The following DLGAP1 variants were observed in gnomAD, a reference collection of about 807,000 sequenced individuals.
The protein encoded by DLGAP1 is DLG associated protein 1.
In DLGAP1, 11 loss-of-function variants were observed where a neutral mutation model predicts 90.8. The observed-to-expected ratio is 0.12, with a 90% confidence interval of 0.08 to 0.20. The LOEUF (loss-of-function observed/expected upper bound fraction) is 0.20. Ranked by LOEUF, DLGAP1 falls within the 10% of genes least tolerant of loss-of-function variation. The pLI is 1.00. For synonymous variants in DLGAP1, 558 were observed against 540.7 expected, an observed-to-expected ratio of 1.03 and a Z score of -0.44; for missense variants, 1,050 against 1,333.8, an observed-to-expected ratio of 0.79 and a Z score of 3.31.
intron 9 of DLGAP1, among the ~76,000 whole-genome samples, chr18:3,562,773 G>A (rs1004159303): frequency 1.0e-4 from 15 of 150,728 alleles, no homozygotes; most frequent in African/African-American, 3.7e-4. Flanking sequence ...TTACAGGAAT[G>A]AGCCACTGTG....
intron 1 of DLGAP1, among the ~76,000 whole-genome samples, chr18:4,358,776 C>T (rs1041147405): frequency 6.6e-6 from 1 of 152,218 alleles, no homozygotes; most frequent in Non-Finnish European, 1.5e-5. Context: ...GTGGCCACAG[C>T]TTACCTCTGT....
At chr18:4,102,328 A>C (rs2075793297) in intron 2 of DLGAP1, among the ~76,000 whole-genome samples, 1 of 152,170 alleles carries the variant, frequency 6.6e-6, no homozygotes, top group Non-Finnish European at 1.5e-5. Context: ...TGGAATTCAT[A>C]CTCAGGATTC....
Position 3,526,875 on chromosome 18 carries a change from G to A in DLGAP1, c.2479+7319C>T, listed in dbSNP as rs146771288. On this transcript the variant is annotated intron_variant, in intron 10 of 12. Transcript: ENST00000315677. This position sits in a 1 kb window ranked among gnomAD's most constrained non-coding sequence, Gnocchi z 4.7. ...ACACAAGGGCTTCATTGTCTGAGAA[G>A]AGCTCGTATCATTTTACTTCAAGTG... is the stretch of plus-strand genomic sequence containing the variant. 2.3e-3 allele frequency among the ~76,000 whole-genome samples: 355 copies of A among 152,228 alleles called. 1 individual carries two copies. Among genetic ancestry groups the A allele is most frequent in the African/African-American group, 7.8e-3 (324 of 41,550 alleles).
chr18:3,925,218 G>A (rs948447745), intron 3 of DLGAP1, among the ~76,000 whole-genome samples: 2 of 151,958 alleles, frequency 1.3e-5, no homozygotes, highest in African/African-American at 4.8e-5. Context: ...CTCCCAAAGT[G>A]CTGGGATTAT....
At chr18:3,822,852 T>C (rs1219947904) in intron 4 of DLGAP1, among the ~76,000 whole-genome samples, 1 of 151,988 alleles carries the variant, frequency 6.6e-6, no homozygotes, top group African/African-American at 2.4e-5. Flanking sequence ...CATCAAGAAA[T>C]AATAACTAAG....
intron 2 of DLGAP1, among the ~76,000 whole-genome samples, chr18:4,080,338 A>G (rs964897844): frequency 6.6e-6 from 1 of 152,198 alleles, no homozygotes; most frequent in Admixed American, 6.5e-5. Context: ...ATAAAGTTAA[A>G]TATAAATTAA....
chr18:3,641,378 A>G (rs2058932347), intron 7 of DLGAP1, among the ~76,000 whole-genome samples: 1 of 151,560 alleles, frequency 6.6e-6, no homozygotes. Flanking sequence ...CTCTACTAAA[A>G]ATACAAAAAT....
At chr18:4,160,532 T>C (rs1306175980) in intron 1 of DLGAP1, among the ~76,000 whole-genome samples, 1 of 152,220 alleles carries the variant, frequency 6.6e-6, no homozygotes, top group Admixed American at 6.5e-5. Flanking sequence ...ACAATAAGCC[T>C]AATGAGGTAG....
intron 9 of DLGAP1, among the ~76,000 whole-genome samples, chr18:3,547,059 T>A (rs1352242504): frequency 2.0e-5 from 3 of 151,914 alleles, no homozygotes; most frequent in African/African-American, 7.3e-5. Context: ...CCCAGCACTT[T>A]GAGAGGCCGT....
intron 7 of DLGAP1, among the ~76,000 whole-genome samples, chr18:3,635,335 AC>A (rs1382806203): frequency 3.6e-4 from 53 of 148,104 alleles, no homozygotes; most frequent in Non-Finnish European, 6.6e-4. Flanking sequence ...ACGGGGTTTC[AC>A]CTTGTTAGCC....
At chr18:3,749,848 C>T (rs1318204127) in intron 5 of DLGAP1, among the ~76,000 whole-genome samples, 1 of 152,194 alleles carries the variant, frequency 6.6e-6, no homozygotes, top group Non-Finnish European at 1.5e-5. Flanking sequence ...GTCAACCAAA[C>T]TAGAAATCCA....
At chr18:3,812,272 T>C (rs975846604) in intron 5 of DLGAP1, among the ~76,000 whole-genome samples, 1 of 152,206 alleles carries the variant, frequency 6.6e-6, no homozygotes, top group Non-Finnish European at 1.5e-5. Context: ...CTTGGTCCAC[T>C]GCCTTTCTTA....
intron 1 of DLGAP1, among the ~76,000 whole-genome samples, chr18:4,226,799 A>G (rs1025040089): frequency 6.6e-5 from 10 of 152,006 alleles, no homozygotes; most frequent in African/African-American, 2.4e-4. Context: ...AAGAAGGAAA[A>G]GAAGACCACA....
intron 5 of DLGAP1, among the ~76,000 whole-genome samples, chr18:3,805,304 A>G (rs556060679): frequency 6.6e-6 from 1 of 152,342 alleles, no homozygotes; most frequent in South Asian, 2.1e-4. Context: ...AAGATCTCAA[A>G]GGAGAATGGT....
At chr18:3,890,587 G>A (rs1193659184) in intron 3 of DLGAP1, among the ~76,000 whole-genome samples, 1 of 152,020 alleles carries the variant, frequency 6.6e-6, no homozygotes, top group African/African-American at 2.4e-5. Flanking sequence ...GGTTTTTATT[G>A]TCTTTTAGAA....
intron 7 of DLGAP1, among the ~76,000 whole-genome samples, chr18:3,617,429 T>G (rs2057912934): frequency 6.6e-6 from 1 of 151,832 alleles, no homozygotes; most frequent in South Asian, 2.1e-4. Context: ...TGAAACCCCA[T>G]CTCTAGTAAA....
chr18:4,173,653 G>A (rs149959305), intron 1 of DLGAP1, among the ~76,000 whole-genome samples: 9 of 152,212 alleles, frequency 5.9e-5, no homozygotes, highest in East Asian at 5.8e-4. Context: ...TAGCCCAGTC[G>A]TAGACTGCAA....
At chr18:4,406,368 A>G (rs2082665339) in intron 1 of DLGAP1, among the ~76,000 whole-genome samples, 1 of 152,232 alleles carries the variant, frequency 6.6e-6, no homozygotes, top group Non-Finnish European at 1.5e-5. Flanking sequence ...CTAGGAAGTC[A>G]GCATGAATCA....
At chr18:4,256,560 T>A (rs1467975509) in intron 1 of DLGAP1, among the ~76,000 whole-genome samples, 1 of 152,226 alleles carries the variant, frequency 6.6e-6, no homozygotes, top group African/African-American at 2.4e-5. Flanking sequence ...TATGTGTGCA[T>A]GTGTATATAT....
Sources: allele counts gnomAD v4.1 joint callset (sites outside exome capture counted in the v4.1 genomes callset), GRCh38; gene constraint gnomAD v4.1.1; non-coding constraint Gnocchi (gnomAD v3.1); transcripts MANE v1.5; gene names NCBI Gene and HGNC (gene_info 2026-07-23, HGNC 2026-07-21).